EPHB1: variants seen among roughly 807,000 people sequenced by gnomAD.
EPHB1 encodes the protein ephrin type-B receptor 1.
EPHB1 carries 30 observed loss-of-function variants against 94.4 expected under a neutral mutation model. That is an observed-to-expected ratio of 0.32 (90% CI 0.24 to 0.43). EPHB1 has a LOEUF of 0.43. Ranked by LOEUF, EPHB1 falls within the 20% of genes least tolerant of loss-of-function variation. EPHB1 has a pLI of 1.00. For missense variants in EPHB1, 1,055 were observed against 1,308.3 expected (o/e 0.81, Z 2.99); for synonymous variants, 522 against 489.1 (o/e 1.07, Z -0.89).
At chr3:135,090,383 C>T (rs1938512989) in intron 3 of EPHB1, among the ~76,000 whole-genome samples, 1 of 152,242 alleles carries the variant, frequency 6.6e-6, no homozygotes, top group African/African-American at 2.4e-5. Context: ...TGCCTTCAGC[C>T]TTTTGGATAA....
intron 3 of EPHB1, among the ~76,000 whole-genome samples, chr3:134,987,576 G>A (rs1934644125): frequency 6.6e-6 from 1 of 152,010 alleles, no homozygotes; most frequent in African/African-American, 2.4e-5. Flanking sequence ...TGGCTAACAC[G>A]GTGAAACCTC....
intron 3 of EPHB1, among the ~76,000 whole-genome samples, chr3:135,059,011 A>G (rs1220583173): frequency 2.0e-5 from 3 of 152,252 alleles, no homozygotes; most frequent in Non-Finnish European, 4.4e-5. Context: ...ACTGGTTTTT[A>G]AACTACTCAC....
chr3:134,911,918 A>C (rs1054683268), intron 1 of EPHB1, among the ~76,000 whole-genome samples: 13 of 152,058 alleles, frequency 8.5e-5, no homozygotes, highest in Non-Finnish European at 1.5e-4. Context: ...AGCTGCTGCC[A>C]GTGCATGCAG....
chr3:134,872,344 G>C (rs2037517774), intron 1 of EPHB1, among the ~76,000 whole-genome samples: 1 of 152,174 alleles, frequency 6.6e-6, no homozygotes, highest in Non-Finnish European at 1.5e-5. Flanking sequence ...CGAGGGAGAG[G>C]CCCTTTGTGA....
At chr3:135,113,868 C>G (rs776088021) in intron 4 of EPHB1, among the ~76,000 whole-genome samples, 4 of 152,226 alleles carry the variant, frequency 2.6e-5, no homozygotes, top group African/African-American at 4.8e-5. Flanking sequence ...CTGGCCTTTT[C>G]TGAATCTCTC....
chr3:135,137,825 G>C (rs1433613703), intron 5 of EPHB1, among the ~76,000 whole-genome samples: 1 of 152,184 alleles, frequency 6.6e-6, no homozygotes, highest in Non-Finnish European at 1.5e-5. Flanking sequence ...TCCCTAGACT[G>C]TTTCCTTCCA....
rs80259237 is a variant in EPHB1 at position 134,842,841 on chromosome 3, C to A, written c.58+47152C>A. Among the ~76,000 whole-genome samples, 11 of 152,274 alleles carry A rather than the reference C, an allele frequency of 7.2e-5. No individual in the cohort carries two copies. In the East Asian group the frequency reaches 1.9e-3, roughly 27 times the overall value. ...CCCCATGAAGCATGTCCTTACCCCT[C>A]CTTTGTGCTATTAATGATGGATTTA... On this transcript the variant is annotated intron_variant, in intron 1 of 15. Coordinates refer to ENST00000398015, the MANE Select transcript of EPHB1 (RefSeq NM_004441.5).
intron 3 of EPHB1, among the ~76,000 whole-genome samples, chr3:135,035,122 G>A (rs1389348020): frequency 6.6e-6 from 1 of 152,190 alleles, no homozygotes. Context: ...TTCTAACTCA[G>A]TGGGGTTTTG....
At chr3:135,119,369 G>A (rs1196512557) in intron 4 of EPHB1, among the ~76,000 whole-genome samples, 1 of 152,076 alleles carries the variant, frequency 6.6e-6, no homozygotes. Context: ...GGTGTCTTGA[G>A]CTTTTGACTA....
At position 135,164,578 on chromosome 3, in the gene EPHB1, A is replaced by G. The variant is rs368482836; in HGVS notation, c.1586-1390A>G. ...AATCCCAGCACTTTGGGAGGCCGAG[A>G]CAGGTGGATCACTTGAGGTTAGGAG... On this transcript the variant is annotated intron_variant, in intron 7 of 15. Transcript: ENST00000398015. Among the ~76,000 whole-genome samples the G allele has an allele frequency of 2.6e-4, 40 of 152,230 alleles. No individual in the cohort carries two copies. In the South Asian group the frequency reaches 8.1e-3, roughly 31 times the overall value.
At chr3:135,132,488 G>T (rs1940455472) in intron 4 of EPHB1, among the ~76,000 whole-genome samples, 1 of 152,158 alleles carries the variant, frequency 6.6e-6, no homozygotes, top group Non-Finnish European at 1.5e-5. Flanking sequence ...ATTGAAAGAA[G>T]AAAAGCCTCA....
intron 12 of EPHB1, among the ~76,000 whole-genome samples, chr3:135,212,586 A>G (rs114196243): frequency 7.4e-4 from 113 of 152,274 alleles, no homozygotes; most frequent in African/African-American, 2.7e-3. Context: ...AAAACTTTAT[A>G]CACAGAATTT....
At chr3:135,189,990 G>A (rs1942416290) in intron 10 of EPHB1, among the ~76,000 whole-genome samples, 1 of 152,200 alleles carries the variant, frequency 6.6e-6, no homozygotes, top group African/African-American at 2.4e-5. Flanking sequence ...TTTGGGGCAT[G>A]ATGGTCCCTG....
intron 3 of EPHB1, among the ~76,000 whole-genome samples, chr3:134,998,535 T>C (rs1376013365): frequency 1.3e-5 from 2 of 152,208 alleles, no homozygotes; most frequent in African/African-American, 4.8e-5. Flanking sequence ...CTGATGCAGA[T>C]ACCACCCATT....
intron 5 of EPHB1, among the ~76,000 whole-genome samples, chr3:135,135,741 C>T (rs1452681928): frequency 6.6e-6 from 1 of 152,168 alleles, no homozygotes; most frequent in African/African-American, 2.4e-5. Context: ...AGCTAGATGG[C>T]AGGCAAAGAA....
At chr3:134,797,056 A>G (rs1388143453) in intron 1 of EPHB1, among the ~76,000 whole-genome samples, 1 of 152,172 alleles carries the variant, frequency 6.6e-6, no homozygotes, top group Non-Finnish European at 1.5e-5. Context: ...CTTTTGGCGA[A>G]GACCACCGCA....
chr3:134,993,838 T>C (rs889894154), intron 3 of EPHB1, among the ~76,000 whole-genome samples: 15 of 152,368 alleles, frequency 9.8e-5, no homozygotes, highest in Admixed American at 9.8e-4. Context: ...TTACAGGGTT[T>C]CTACCTCTGT....
chr3:134,948,979 G>A (rs547339045), intron 2 of EPHB1, among the ~76,000 whole-genome samples: 4 of 152,356 alleles, frequency 2.6e-5, no homozygotes, highest in African/African-American at 9.6e-5. Context: ...GCCTGGAACT[G>A]GGAGACAGAG....
At chr3:134,949,511 C>T in intron 2 of EPHB1, among the ~76,000 whole-genome samples, 1 of 152,128 alleles carries the variant, frequency 6.6e-6, no homozygotes, top group East Asian at 1.9e-4. Flanking sequence ...GGCTTTACTC[C>T]TTGCAAGGAG....
Sources: gnomAD v4.1 joint callset for allele counts (sites outside exome capture counted in the v4.1 genomes callset) on GRCh38, gnomAD v4.1.1 for gene constraint, MANE v1.5 for transcripts, NCBI Gene and HGNC (gene_info 2026-07-23, HGNC 2026-07-21) for gene names.